The following SLC22A3 variants were observed in gnomAD, a reference collection of about 807,000 sequenced individuals.
SLC22A3 encodes the protein EMT organic cation transporter 3.
Under a neutral mutation model 59.1 loss-of-function variants are expected in SLC22A3, and 51 were observed. The ratio of observed to expected loss-of-function variants is 0.86; its 90% CI spans 0.69 to 1.09. SLC22A3 has a LOEUF of 1.09. SLC22A3 is among the 50% of genes least tolerant of loss of function. SLC22A3 has a pLI of 0.00. For missense variants in SLC22A3, 711 were observed against 726.3 expected (o/e 0.98, Z 0.24); for synonymous variants, 325 against 292.0 (o/e 1.11, Z -1.15).
At position 160,452,072 on chromosome 6, in the gene SLC22A3, G is replaced by A. The variant is rs1432012752; in HGVS notation, c.*1016G>A. Reference sequence around the variant, plus strand: ...ATATCCATGCTTAACAGGATCAGCAGGAGCTTTATAAATGACTTTACAGAG... The same window carrying A: ...ATATCCATGCTTAACAGGATCAGCAAGAGCTTTATAAATGACTTTACAGAG... On this transcript the variant is annotated 3_prime_UTR_variant, in exon 11 of 11. Transcript: ENST00000275300. The A allele has an allele frequency of 6.6e-6, 1 of 152,124 alleles. No homozygotes were observed. The highest frequency in any genetic ancestry group is 2.4e-5 in the African/African-American group (1 of 41,430). The allele number at this position is 152,124 out of a possible 1,614,324, so 9.4% of individuals were successfully genotyped here.
chr6:160,361,796 AAG>A lies in SLC22A3; in HGVS notation c.429+12950_429+12951del, dbSNP rs141494686. 2.0e-4 allele frequency among the ~76,000 whole-genome samples: 31 copies of A among 152,342 alleles called. 1 individual carries two copies. In the East Asian group the frequency reaches 6.0e-3, roughly 29 times the overall value. ...AGAAGTTCTGTAAATCAACAAGTAA[AAG>A]ATAGCAAGTCTTGCAGAGGAATCAG... is the stretch of plus-strand genomic sequence containing the variant. On this transcript the variant is annotated intron_variant, in intron 1 of 10. Transcript: ENST00000275300.
At chr6:160,422,084 C>A (rs1371107694) in intron 5 of SLC22A3, among the ~76,000 whole-genome samples, 2 of 152,210 alleles carry the variant, frequency 1.3e-5, no homozygotes, top group African/African-American at 4.8e-5. Flanking sequence ...TAACCCAGAG[C>A]TGTGTTGCCA....
intron 5 of SLC22A3, among the ~76,000 whole-genome samples, chr6:160,423,392 T>C (rs1583500019): frequency 6.6e-6 from 1 of 152,244 alleles, no homozygotes; most frequent in Non-Finnish European, 1.5e-5. Flanking sequence ...TTCTAGATCC[T>C]TGAGGAATCG....
At chr6:160,440,209 C>T (rs1223956617) in intron 7 of SLC22A3, among the ~76,000 whole-genome samples, 1 of 152,184 alleles carries the variant, frequency 6.6e-6, no homozygotes, top group Non-Finnish European at 1.5e-5. Context: ...TACCTGTCTG[C>T]CATCTTTAAT....
In SLC22A3 at chr6:160,417,974, T is replaced by C. The variant is rs116654557; in HGVS notation, c.975+7128T>C. Reference sequence around the variant, plus strand: ...AGATAAATGAATGCTTACTATTCTATGCTGCTAAGATCGATGGCTCTTATG... The same window carrying C: ...AGATAAATGAATGCTTACTATTCTACGCTGCTAAGATCGATGGCTCTTATG... On this transcript the variant is annotated intron_variant, in intron 5 of 10. Transcript: ENST00000275300. Among the ~76,000 whole-genome samples the C allele has an allele frequency of 7.0e-3, 1,074 of 152,382 alleles. 10 individuals are homozygous for C. The highest frequency in any genetic ancestry group is 0.025 in the African/African-American group (1,041 of 41,600).
intron 1 of SLC22A3, among the ~76,000 whole-genome samples, chr6:160,349,833 T>TA (rs1294906171): frequency 2.6e-5 from 4 of 152,158 alleles, no homozygotes; most frequent in African/African-American, 9.7e-5. Context: ...AAGTTAATTT[T>TA]AAAAAAAGAT....
At chr6:160,360,052 T>C (rs932731596) in intron 1 of SLC22A3, among the ~76,000 whole-genome samples, 2 of 152,222 alleles carry the variant, frequency 1.3e-5, no homozygotes, top group East Asian at 3.8e-4. Flanking sequence ...TAGTTTTCAA[T>C]TCTTATTTGA....
At chr6:160,405,737 A>G (rs1337427895) in intron 2 of SLC22A3, among the ~76,000 whole-genome samples, 1 of 152,198 alleles carries the variant, frequency 6.6e-6, no homozygotes, top group East Asian at 1.9e-4. Flanking sequence ...ATATTATTCC[A>G]TGCTGAAAAG....
At chr6:160,414,203 CAT>C (rs1445161461) in intron 5 of SLC22A3, among the ~76,000 whole-genome samples, 3 of 152,196 alleles carry the variant, frequency 2.0e-5, no homozygotes, top group Non-Finnish European at 4.4e-5. Context: ...TCTTTTGGAA[CAT>C]TACTTGCCAC....
rs1324285016 is a variant in SLC22A3 at position 160,407,588 on chromosome 6, T to A, written c.688+393T>A. ...CTGTGTTATGTGATACAGTTTGAGA[T>A]TACTTTCCTGTGTTGCCAACTCTCC... On this transcript the variant is annotated intron_variant, in intron 3 of 10. Coordinates refer to ENST00000275300, the MANE Select transcript of SLC22A3 (RefSeq NM_021977.4). 5.3e-5 allele frequency among the ~76,000 whole-genome samples: 8 copies of A among 152,318 alleles called. No individual in the cohort carries two copies. In the East Asian group the frequency reaches 1.3e-3, roughly 26 times the overall value.
chr6:160,362,238 A>G (rs938916650), intron 1 of SLC22A3, among the ~76,000 whole-genome samples: 4 of 152,190 alleles, frequency 2.6e-5, no homozygotes, highest in Admixed American at 1.3e-4. Context: ...CAATAATTCA[A>G]TCACCAAATT....
At chr6:160,447,989 A>G (rs936926621) in intron 10 of SLC22A3, among the ~76,000 whole-genome samples, 171 bp downstream of exon 10, 1 of 152,220 alleles carries the variant, frequency 6.6e-6, no homozygotes, top group Admixed American at 6.5e-5. Flanking sequence ...CATAAAAAAA[A>G]CCCTCCAGAG....
At chr6:160,361,965 T>C (rs553077400) in intron 1 of SLC22A3, among the ~76,000 whole-genome samples, 2 of 152,268 alleles carry the variant, frequency 1.3e-5, no homozygotes, top group South Asian at 4.2e-4. Context: ...CAATGAAACA[T>C]CGTTTAAAGT....
chr6:160,402,583 A>C (rs1195333202), intron 2 of SLC22A3, among the ~76,000 whole-genome samples: 2 of 151,878 alleles, frequency 1.3e-5, no homozygotes, highest in Non-Finnish European at 2.9e-5. Context: ...CAGCAGACTT[A>C]ACATTTTTTT....
chr6:160,353,118 T>C (rs997691152), intron 1 of SLC22A3, among the ~76,000 whole-genome samples: 4 of 152,344 alleles, frequency 2.6e-5, no homozygotes, highest in African/African-American at 9.6e-5. Flanking sequence ...AATAGTTTAT[T>C]TTTAATGGAG....
At chr6:160,349,410 T>C (rs993794615) in intron 1 of SLC22A3, among the ~76,000 whole-genome samples, 2 of 152,188 alleles carry the variant, frequency 1.3e-5, no homozygotes, top group African/African-American at 4.8e-5. Flanking sequence ...ATGGTTTTGG[T>C]AAAATTGCTT....
chr6:160,397,732 C>CAAA (rs201152865), intron 1 of SLC22A3, among the ~76,000 whole-genome samples: 1 of 88,182 alleles, frequency 1.1e-5, no homozygotes, highest in African/African-American at 4.2e-5. Flanking sequence ...GACTCCATCT[C>CAAA]AAAAAAAAAA....
At chr6:160,383,331 C>G (rs1785866174) in intron 1 of SLC22A3, among the ~76,000 whole-genome samples, 1 of 152,078 alleles carries the variant, frequency 6.6e-6, no homozygotes, top group Admixed American at 6.6e-5. Flanking sequence ...CCAACTCACC[C>G]CAATTTCCAC....
In SLC22A3 at chr6:160,376,983, T is replaced by A. The variant is rs150961958; in HGVS notation, c.430-20996T>A. ...CTGGCAGAATCAACATGCACCCCAG[T>A]TGTGGGATAGGCCTGTTCTCTCACT... On this transcript the variant is annotated intron_variant, in intron 1 of 10. Transcript: ENST00000275300. 1.7e-4 allele frequency among the ~76,000 whole-genome samples: 26 copies of A among 152,304 alleles called. No homozygotes were observed. In the East Asian group the frequency reaches 4.2e-3, roughly 25 times the overall value.
Sources: gnomAD v4.1 joint callset for allele counts (sites outside exome capture counted in the v4.1 genomes callset) on GRCh38, gnomAD v4.1.1 for gene constraint, MANE v1.5 for transcripts, NCBI Gene and HGNC (gene_info 2026-07-23, HGNC 2026-07-21) for gene names.